Variants in TMEM45A observed in about 807,000 individuals in gnomAD.
The protein encoded by TMEM45A is transmembrane protein 45A.
A neutral mutation model predicts 32.0 loss-of-function variants in TMEM45A; 25 were observed. The observed-to-expected ratio is 0.78, with a 90% confidence interval of 0.57 to 1.09. The LOEUF (loss-of-function observed/expected upper bound fraction) is 1.09. Among genes scored for constraint, TMEM45A ranks in the 50% least tolerant of loss-of-function variants. The pLI is 0.00. For missense variants in TMEM45A, 302 were observed against 325.0 expected (o/e 0.93, Z 0.54); for synonymous variants, 122 against 114.8 (o/e 1.06, Z -0.40).
At position 100,512,191 on chromosome 3, in the gene TMEM45A, A is replaced by G. The variant is rs1056536742; in HGVS notation, c.-4+19263A>G. ...TATACATTTTTTTCAGCACCACACC[A>G]CACCTATTTCAAAATTGACCACATA... On this transcript the variant is annotated intron_variant, in intron 1 of 5. Transcript: ENST00000323523. Among the ~76,000 whole-genome samples the G allele has an allele frequency of 2.0e-5, 3 of 152,122 alleles. No homozygotes were observed. The East Asian group carries it at 5.8e-4, about 29-fold the overall frequency.
chr3:100,538,908 T>G (rs1052090100), intron 1 of TMEM45A, among the ~76,000 whole-genome samples: 2 of 151,908 alleles, frequency 1.3e-5, no homozygotes, highest in Admixed American at 6.6e-5. Context: ...ATATATAAGA[T>G]CTATATGAGG....
intron 5 of TMEM45A, chr3:100,573,360 G>A (rs1165804967): frequency 6.6e-6 from 1 of 152,070 alleles, no homozygotes; most frequent in African/African-American, 2.4e-5. Context: ...TCTCTTTGAA[G>A]CAATTGTGAA....
intron 1 of TMEM45A, among the ~76,000 whole-genome samples, chr3:100,515,480 G>A (rs1200982021): frequency 8.3e-6 from 1 of 121,072 alleles, no homozygotes; most frequent in Admixed American, 9.5e-5. Context: ...GACTGTTATG[G>A]GGTGGGGGGA....
intron 1 of TMEM45A, among the ~76,000 whole-genome samples, chr3:100,494,908 T>A (rs1241702350): frequency 6.6e-6 from 1 of 152,190 alleles, no homozygotes; most frequent in Admixed American, 6.5e-5. Flanking sequence ...CCCTCATCTG[T>A]AATGTGCTAA....
intron 2 of TMEM45A, 58 bp from the exon 3 acceptor site, chr3:100,556,702 A>T: frequency 6.8e-7 from 1 of 1,470,040 alleles, no homozygotes; most frequent in Non-Finnish European, 9.4e-7. Flanking sequence ...GTCCTCCTGC[A>T]TCTTCTTGAA....
intron 1 of TMEM45A, among the ~76,000 whole-genome samples, chr3:100,523,218 G>T (rs1312680053): frequency 1.3e-5 from 2 of 152,154 alleles, no homozygotes; most frequent in African/African-American, 2.4e-5. Context: ...TGCTGATGTT[G>T]TCTGTTTGTG....
chr3:100,551,155 AG>A (rs1319513512), intron 1 of TMEM45A, among the ~76,000 whole-genome samples: 2 of 151,886 alleles, frequency 1.3e-5, no homozygotes, highest in Admixed American at 6.6e-5. Context: ...CTGGGACTAC[AG>A]GTGCCCACCA....
At chr3:100,496,676 C>CA (rs1430968271) in intron 1 of TMEM45A, among the ~76,000 whole-genome samples, 10 of 152,200 alleles carry the variant, frequency 6.6e-5, no homozygotes, top group African/African-American at 2.4e-4. Context: ...CATATGGAGA[C>CA]AGGAGACATG....
intron 5 of TMEM45A, among the ~76,000 whole-genome samples, chr3:100,569,993 A>G (rs1423862883): frequency 6.6e-6 from 1 of 152,188 alleles, no homozygotes; most frequent in Admixed American, 6.5e-5. Context: ...ATGCTGAACC[A>G]CAGTTGGCTT....
chr3:100,542,305 T>G (rs931928407), intron 1 of TMEM45A, among the ~76,000 whole-genome samples: 1 of 152,256 alleles, frequency 6.6e-6, no homozygotes, highest in Non-Finnish European at 1.5e-5. Flanking sequence ...TTTTTCCATT[T>G]GTTTATGTCA....
intron 1 of TMEM45A, among the ~76,000 whole-genome samples, chr3:100,543,728 T>C (rs1705931498): frequency 1.3e-5 from 2 of 152,212 alleles, no homozygotes; most frequent in Admixed American, 1.3e-4. Flanking sequence ...TTACATTCCC[T>C]AGTACTCATC....
rs1706705015 is a variant in TMEM45A, at chr3:100,577,030, T to A, written c.*12T>A. ...AAGAAGAAATGTGACTTTGATGAGC[T>A]TCCAGTTTTTCTAGATAAACCTTTT... On this transcript the variant is annotated 3_prime_UTR_variant, in exon 6 of 6. Transcript: ENST00000323523. 1 of 1,601,006 alleles carries A rather than the reference T, an allele frequency of 6.2e-7. No homozygotes were observed. The highest frequency in any genetic ancestry group is 1.7e-5 in the Admixed American group (1 of 58,972).
At chr3:100,576,008 T>C (rs1000011637) in intron 5 of TMEM45A, among the ~76,000 whole-genome samples, 8 of 152,212 alleles carry the variant, frequency 5.3e-5, no homozygotes, top group African/African-American at 1.4e-4. Context: ...ATTCTCTTAA[T>C]TGTTTTAGAA....
At chr3:100,564,600 C>A (rs1706392224) in intron 4 of TMEM45A, among the ~76,000 whole-genome samples, 1 of 152,122 alleles carries the variant, frequency 6.6e-6, no homozygotes. Flanking sequence ...TCTCCTGCCT[C>A]AGTCTCCCAA....
At chr3:100,497,628 G>C (rs1476077741) in intron 1 of TMEM45A, among the ~76,000 whole-genome samples, 1 of 152,014 alleles carries the variant, frequency 6.6e-6, no homozygotes, top group Non-Finnish European at 1.5e-5. Flanking sequence ...GACTATTCTA[G>C]GTACCTCATA....
chr3:100,549,972 T>C (rs1020587652), intron 1 of TMEM45A, among the ~76,000 whole-genome samples: 1 of 146,860 alleles, frequency 6.8e-6, no homozygotes, highest in Non-Finnish European at 1.5e-5. Context: ...CTATCGTTGT[T>C]GGACATTTGG....
chr3:100,557,240 C>G (rs1341388622), intron 3 of TMEM45A, among the ~76,000 whole-genome samples: 1 of 152,196 alleles, frequency 6.6e-6, no homozygotes, highest in Admixed American at 6.5e-5. Context: ...ACAAAGGTTA[C>G]TCATCTCTGG....
intron 1 of TMEM45A, among the ~76,000 whole-genome samples, chr3:100,512,345 G>C (rs1197413800): frequency 6.6e-5 from 10 of 152,242 alleles, no homozygotes; most frequent in Non-Finnish European, 1.5e-4. Flanking sequence ...CAACTACATG[G>C]AAACTGAACA....
At chr3:100,517,817 C>G (rs1708287983) in intron 1 of TMEM45A, among the ~76,000 whole-genome samples, 1 of 152,184 alleles carries the variant, frequency 6.6e-6, no homozygotes, top group African/African-American at 2.4e-5. Context: ...GCATCTTCCT[C>G]TTCTTGAAAG....
Sources: allele counts gnomAD v4.1 joint callset (sites outside exome capture counted in the v4.1 genomes callset), GRCh38; gene constraint gnomAD v4.1.1; transcripts MANE v1.5; gene names NCBI Gene and HGNC (gene_info 2026-07-23, HGNC 2026-07-21).